The following PTPRB variants were observed in gnomAD, a reference collection of about 807,000 sequenced individuals.
PTPRB encodes receptor-type tyrosine-protein phosphatase beta.
Under a neutral mutation model 238.1 loss-of-function variants are expected in PTPRB, and 97 were observed. The ratio of observed to expected loss-of-function variants is 0.41; its 90% CI spans 0.35 to 0.48. The LOEUF (loss-of-function observed/expected upper bound fraction) is 0.48, where lower values mean the gene tolerates loss of function less well. Ranked by LOEUF, PTPRB falls within the 20% of genes least tolerant of loss-of-function variation. The pLI is 0.30. For synonymous variants in PTPRB, 970 were observed against 995.4 expected (o/e 0.97, Z 0.48); for missense variants, 2,292 against 2,681.9 (o/e 0.85, Z 3.21).
intron 15 of PTPRB, among the ~76,000 whole-genome samples, chr12:70,564,186 C>T (rs1044353981): frequency 3.3e-5 from 5 of 152,140 alleles, no homozygotes; most frequent in Non-Finnish European, 5.9e-5. Flanking sequence ...GTCACTGCCT[C>T]AATGAAGTCT....
Position 70,609,348 on chromosome 12 carries a change from G to T in PTPRB, c.709-9C>A. ...GGCTCCGCCAGTCCAGTCTGCAAAG[G>T]AATCAGACACAACAGTTTAAGTCCA... is the stretch of plus-strand genomic sequence containing the variant. On this transcript the variant is annotated splice_polypyrimidine_tract_variant and intron_variant, in intron 3 of 33. Transcript: ENST00000334414. 1 of 1,612,688 alleles carries T rather than the reference G, an allele frequency of 6.2e-7. No homozygotes were observed. The highest frequency in any genetic ancestry group is 8.5e-7 in the Non-Finnish European group (1 of 1,179,364).
chr12:70,517,975 T>G lies in PTPRB; in HGVS notation c.*3514A>C, dbSNP rs765093761. 1 of 152,172 alleles carries G rather than the reference T, an allele frequency of 6.6e-6. No homozygotes were observed. Among genetic ancestry groups the G allele is most frequent in the Non-Finnish European group, 1.5e-5 (1 of 68,020 alleles). The allele number at this position is 152,172 out of a possible 1,614,324, so 9.4% of individuals were successfully genotyped here. A position where few individuals can be genotyped will look rare whatever the true frequency, so the allele number is the denominator to read the frequency against. On this transcript the variant is annotated 3_prime_UTR_variant, in exon 34 of 34. Transcript: ENST00000334414. ...GAGAATCAGCATGTGAAGGGTAGCA[T>G]GTGAGGTCTATTTTTATATTGCTGG...
intron 15 of PTPRB, among the ~76,000 whole-genome samples, chr12:70,565,069 T>C (rs1879110299): frequency 6.6e-6 from 1 of 152,088 alleles, no homozygotes; most frequent in Non-Finnish European, 1.5e-5. Flanking sequence ...TATTCACTTC[T>C]GTATATCCAG....
intron 2 of PTPRB, among the ~76,000 whole-genome samples, chr12:70,633,521 ATC>A (rs1209453887): frequency 6.6e-6 from 1 of 152,014 alleles, no homozygotes; most frequent in Non-Finnish European, 1.5e-5. Context: ...AGAAAAATAT[ATC>A]TGTTAGCTTA....
Position 70,576,671 on chromosome 12 carries a change from G to GGGGGT in PTPRB, c.2579-27_2579-26insACCCC, listed in dbSNP as rs1565967248. On this transcript the variant is annotated intron_variant, in intron 10 of 33. Transcript: ENST00000334414. ...CTGTGATTTTGAAAGGTGGGGGGCGGGGGGGGGGGGGAAGGGGGATTCAAA... is the reference window on the plus strand; with the variant it reads ...CTGTGATTTTGAAAGGTGGGGGGCGGGGGGTGGGGGGGGGGGAAGGGGGATTCAAA... 3.4e-4 allele frequency: 83 copies of GGGGGT among 243,924 alleles called. 2 individuals are homozygous for GGGGGT. Among genetic ancestry groups the GGGGGT allele is most frequent in the Middle Eastern group, 1.4e-3 (1 of 710 alleles). The allele number at this position is 243,924 out of a possible 1,614,324, so 15.1% of individuals were successfully genotyped here. A position where few individuals can be genotyped will look rare whatever the true frequency, so the allele number is the denominator to read the frequency against.
intron 21 of PTPRB, among the ~76,000 whole-genome samples, chr12:70,547,522 C>CTTTT (rs11296814): frequency 8.7e-6 from 1 of 115,236 alleles, no homozygotes; most frequent in Non-Finnish European, 1.8e-5. Flanking sequence ...TCTTTCCTTC[C>CTTTT]TTTTTTTTTT....
At chr12:70,608,282 T>C (rs1285202316) in intron 4 of PTPRB, among the ~76,000 whole-genome samples, 2 of 152,228 alleles carry the variant, frequency 1.3e-5, no homozygotes, top group African/African-American at 4.8e-5. Context: ...TTAAAGAATT[T>C]AGAGCATGTC....
intron 32 of PTPRB, among the ~76,000 whole-genome samples, chr12:70,527,946 G>A (rs895708340): frequency 2.0e-5 from 3 of 152,164 alleles, no homozygotes; most frequent in African/African-American, 7.2e-5. Flanking sequence ...CTTAAAGCAA[G>A]GCAGATGATA....
At chr12:70,581,896 T>A (rs568982977) in intron 9 of PTPRB, among the ~76,000 whole-genome samples, 1 of 152,090 alleles carries the variant, frequency 6.6e-6, no homozygotes, top group Admixed American at 6.5e-5. Flanking sequence ...ATATGTCTCA[T>A]AAAGGTTACA....
At position 70,517,764 on chromosome 12, in the gene PTPRB, A is replaced by AGTTTGGGCTCAGATACTACCACT. The variant is rs1330248326; in HGVS notation, c.*3702_*3724dup. Reference sequence around the variant, plus strand: ...AAACTAAAACTCTAGAGCGTCTCAGAGTTTGGGCTCAGATACTACCACTGC... The same window carrying AGTTTGGGCTCAGATACTACCACT: ...AAACTAAAACTCTAGAGCGTCTCAGAGTTTGGGCTCAGATACTACCACTGTTTGGGCTCAGATACTACCACTGC... On this transcript the variant is annotated 3_prime_UTR_variant, in exon 34 of 34. Coordinates refer to ENST00000334414, the MANE Select transcript of PTPRB (RefSeq NM_001109754.4). 4 of 152,172 alleles carry AGTTTGGGCTCAGATACTACCACT rather than the reference A, an allele frequency of 2.6e-5. No individual in the cohort carries two copies. Among genetic ancestry groups the AGTTTGGGCTCAGATACTACCACT allele is most frequent in the African/African-American group, 9.7e-5 (4 of 41,436 alleles). 9.4% of individuals were successfully genotyped at this position (152,172 alleles called of 1,614,324 possible). A position where few individuals can be genotyped will look rare whatever the true frequency, so the allele number is the denominator to read the frequency against.
chr12:70,568,499 A>G (rs902141600), intron 14 of PTPRB, among the ~76,000 whole-genome samples: 1 of 152,046 alleles, frequency 6.6e-6, no homozygotes, highest in Non-Finnish European at 1.5e-5. Context: ...GGGTTTCACC[A>G]TGTTAGCCAG....
Position 70,599,298 on chromosome 12 carries a change from G to A in PTPRB, c.980-2971C>T, listed in dbSNP as rs186809201. On this transcript the variant is annotated intron_variant, in intron 4 of 33. Coordinates refer to ENST00000334414, the MANE Select transcript of PTPRB (RefSeq NM_001109754.4). ...TTGAAAATTTAGTCATGTACCTATA[G>A]TCTTCTGATCATATGACAGATCGTA... Among the ~76,000 whole-genome samples the A allele has an allele frequency of 5.2e-3, 788 of 152,128 alleles. 10 individuals are homozygous for A. The highest frequency in any genetic ancestry group is 0.018 in the African/African-American group (752 of 41,496).
At chr12:70,523,433 G>C (rs1346609047) in intron 33 of PTPRB, among the ~76,000 whole-genome samples, 1 of 152,172 alleles carries the variant, frequency 6.6e-6, no homozygotes, top group African/African-American at 2.4e-5. Context: ...AGTGTGGTAG[G>C]AGAAATACAG....
At chr12:70,599,186 C>T (rs1384795562) in intron 4 of PTPRB, among the ~76,000 whole-genome samples, 2 of 152,074 alleles carry the variant, frequency 1.3e-5, no homozygotes, top group African/African-American at 4.8e-5. Flanking sequence ...CAGGGGTGCA[C>T]ATTTCATATA....
Position 70,562,953 on chromosome 12 carries a change from T to C in PTPRB, c.4059A>G (p.Leu1353=), listed in dbSNP as rs748705541. The C allele has an allele frequency of 6.2e-7, 1 of 1,613,904 alleles. No homozygotes were observed. The highest frequency in any genetic ancestry group is 1.6e-4 in the Middle Eastern group (1 of 6,084). The change falls in exon 16 of 34, where the codon CTA becomes CTG. Residue 1353 remains leucine (L), a synonymous_variant. Transcript: ENST00000334414. ...AGTTCTGGAAAGAGAAGCTCTGGACTAGTGGGTCAACTTGAGCTCTCTCCT... is the reference window on the plus strand; with the variant it reads ...AGTTCTGGAAAGAGAAGCTCTGGACCAGTGGGTCAACTTGAGCTCTCTCCT... ...NLQERAQVDP[L]VQSFSFQNLL... is the part of the protein sequence containing the mutation.
chr12:70,616,368 T>A (rs1884681059), intron 3 of PTPRB, among the ~76,000 whole-genome samples: 1 of 152,252 alleles, frequency 6.6e-6, no homozygotes, highest in East Asian at 1.9e-4. Flanking sequence ...ATTTATCTGA[T>A]GTCCTTGTGA....
intron 4 of PTPRB, among the ~76,000 whole-genome samples, chr12:70,598,224 G>T (rs1883195464): frequency 7.0e-6 from 1 of 143,404 alleles, no homozygotes; most frequent in Non-Finnish European, 1.5e-5. Flanking sequence ...ACCTCCCTGT[G>T]CCTCAGTTTC....
rs1882982846 is a variant in PTPRB, at chr12:70,596,091, C to G, written c.1216G>C (p.Gly406Arg). ...KYNIAITAVSGGKRSFSVYTN... is the reference protein window; with the variant it reads ...KYNIAITAVSRGKRSFSVYTN... Reference sequence around the variant, plus strand: ...TAAACTGAAAAAGAACGTTTTCCTCCAGAAACAGCTGTGATGGCAATATTG... The same window carrying G: ...TAAACTGAAAAAGAACGTTTTCCTCGAGAAACAGCTGTGATGGCAATATTG... The change falls in exon 5 of 34, where the codon GGA (glycine) becomes CGA (arginine). Residue 406 changes from glycine to arginine, a missense_variant. Gly to Arg is a moderately radical substitution (Grantham distance 125). Around this residue, in one of 4 missense-constraint regions of PTPRB, gnomAD observed 1,205 missense variants for 1,287.8 expected, o/e 0.94. Coordinates refer to ENST00000334414, the MANE Select transcript of PTPRB (RefSeq NM_001109754.4). 2.5e-6 allele frequency: 4 copies of G among 1,612,104 alleles called. No individual in the cohort carries two copies. The East Asian group carries it at 8.9e-5, about 36-fold the overall frequency.
chr12:70,565,913 A>G (rs992194504), intron 15 of PTPRB, among the ~76,000 whole-genome samples: 14 of 152,172 alleles, frequency 9.2e-5, no homozygotes, highest in Admixed American at 8.5e-4. Context: ...TCCTTAAAAG[A>G]TGGAAGAGGG....
Sources: gnomAD v4.1 joint callset for allele counts (sites outside exome capture counted in the v4.1 genomes callset) on GRCh38, gnomAD v4.1.1 for gene constraint, gnomAD v4.1.1 regional missense constraint, MANE v1.5 for transcripts, NCBI Gene and HGNC (gene_info 2026-07-23, HGNC 2026-07-21) for gene names.